Variants in TYW3 observed in about 807,000 individuals in gnomAD.
The protein encoded by TYW3 is tRNA wybutosine-synthesizing protein 3 homolog.
A neutral mutation model predicts 23.1 loss-of-function variants in TYW3; 26 were observed. The observed-to-expected ratio is 1.13, with a 90% CI of 0.83 to 1.56. The LOEUF is 1.56. Among genes scored for constraint, TYW3 ranks in the 40% most tolerant of loss-of-function variants. The pLI is 0.00. For missense variants in TYW3, 316 were observed against 311.9 expected (o/e 1.01, Z -0.10); for synonymous variants, 102 against 105.7 (o/e 0.97, Z 0.21).
chr1:74,754,331 G>A (rs567322301), intron 5 of TYW3, among the ~76,000 whole-genome samples: 24 of 152,246 alleles, frequency 1.6e-4, no homozygotes, highest in Admixed American at 3.3e-4. Flanking sequence ...AGATTATAAT[G>A]TGCATGCTGC....
intron 4 of TYW3, among the ~76,000 whole-genome samples, chr1:74,749,938 C>G (rs1300017227): frequency 6.6e-6 from 1 of 152,116 alleles, no homozygotes; most frequent in Non-Finnish European, 1.5e-5. Context: ...CTGGACAGAG[C>G]AAGACTCTGT....
At chr1:74,740,269 G>A (rs1291329598) in intron 3 of TYW3, among the ~76,000 whole-genome samples, 1 of 151,692 alleles carries the variant, frequency 6.6e-6, no homozygotes, top group Non-Finnish European at 1.5e-5. Flanking sequence ...AAGGTGGCAT[G>A]TCCAGAGTTG....
At chr1:74,733,439 T>C (rs1391293711) in intron 1 of TYW3, 21 bp downstream of exon 1, 1 of 1,612,884 alleles carries the variant, frequency 6.2e-7, no homozygotes, top group Non-Finnish European at 8.5e-7. Flanking sequence ...TTTGCGCCTG[T>C]CCATCGCCTG....
chr1:74,766,178 T>A lies in TYW3; in HGVS notation c.*2065T>A, dbSNP rs953000354. The A allele has an allele frequency of 1.3e-5, 2 of 152,036 alleles. No individual in the cohort carries two copies. The highest frequency in any genetic ancestry group is 4.8e-5 in the African/African-American group (2 of 41,448). The allele number at this position is 152,036 out of a possible 1,614,324, so 9.4% of individuals were successfully genotyped here. On this transcript the variant is annotated 3_prime_UTR_variant, in exon 6 of 6. Coordinates refer to ENST00000370867, the MANE Select transcript of TYW3 (RefSeq NM_138467.3). ...TAAAAGTATGGTACATATAATTATG[T>A]ACAGTGCATACATAATACTTGATAA...
intron 4 of TYW3, among the ~76,000 whole-genome samples, chr1:74,749,391 A>C (rs1648698330): frequency 6.6e-6 from 1 of 152,158 alleles, no homozygotes; most frequent in Admixed American, 6.5e-5. Flanking sequence ...AATGTTTACT[A>C]TCTATCCTTT....
chr1:74,747,913 G>A (rs912486018), intron 3 of TYW3, among the ~76,000 whole-genome samples: 7 of 151,232 alleles, frequency 4.6e-5, no homozygotes, highest in African/African-American at 1.7e-4. Flanking sequence ...ATATACACAC[G>A]TATATACATA....
At position 74,759,379 on chromosome 1, in the gene TYW3, T is replaced by C. The variant is rs185345192; in HGVS notation, c.561-4515T>C. Among the ~76,000 whole-genome samples, 52 of 151,282 alleles carry C rather than the reference T, an allele frequency of 3.4e-4. No individual in the cohort carries two copies. The East Asian group carries it at 8.9e-3, about 26-fold the overall frequency. ...TTCTTTCTTTCTTTTCTTTTCTTTTTTTTTTTTTTTGGTAGAGATGAGGTC... is the reference window on the plus strand; with the variant it reads ...TTCTTTCTTTCTTTTCTTTTCTTTTCTTTTTTTTTTGGTAGAGATGAGGTC... On this transcript the variant is annotated intron_variant, in intron 5 of 5. Coordinates refer to ENST00000370867, the MANE Select transcript of TYW3 (RefSeq NM_138467.3).
chr1:74,747,933 ATG>A (rs2100765771), intron 3 of TYW3, among the ~76,000 whole-genome samples: 1 of 152,212 alleles, frequency 6.6e-6, no homozygotes, highest in East Asian at 1.9e-4. Context: ...ATATACATAT[ATG>A]TGTGTATATA....
intron 4 of TYW3, chr1:74,750,011 C>G (rs1290167662): frequency 6.6e-6 from 1 of 152,216 alleles, no homozygotes; most frequent in Non-Finnish European, 1.5e-5. Context: ...CCATCTCACT[C>G]TTTACTCCAT....
intron 3 of TYW3, among the ~76,000 whole-genome samples, 168 bp downstream of exon 3, chr1:74,738,956 G>T (rs1031389124): frequency 6.6e-6 from 1 of 152,114 alleles, no homozygotes; most frequent in Admixed American, 6.5e-5. Flanking sequence ...TAGAAAAAAA[G>T]AGTAGCTAAT....
intron 5 of TYW3, among the ~76,000 whole-genome samples, chr1:74,754,848 AT>A (rs1364061133): frequency 6.6e-6 from 1 of 152,080 alleles, no homozygotes; most frequent in Non-Finnish European, 1.5e-5. Flanking sequence ...TAAACAGCTA[AT>A]TTGGAGACTG....
At chr1:74,741,209 G>T (rs1383689676) in intron 3 of TYW3, among the ~76,000 whole-genome samples, 1 of 152,194 alleles carries the variant, frequency 6.6e-6, no homozygotes, top group Admixed American at 6.5e-5. Flanking sequence ...GGGGTAAAGA[G>T]AGGTGTTAAA....
At chr1:74,744,381 T>G (rs1271528816) in intron 3 of TYW3, among the ~76,000 whole-genome samples, 1 of 151,478 alleles carries the variant, frequency 6.6e-6, no homozygotes, top group Admixed American at 6.6e-5. Context: ...CAAGCTGTGA[T>G]GCAGAAAAAA....
At chr1:74,742,836 A>T (rs1648411488) in intron 3 of TYW3, among the ~76,000 whole-genome samples, 1 of 152,222 alleles carries the variant, frequency 6.6e-6, no homozygotes, top group African/African-American at 2.4e-5. Flanking sequence ...GGTAGGAGAA[A>T]TACCTGGTTA....
At position 74,764,825 on chromosome 1, in the gene TYW3, G is replaced by T. The variant is rs1327812863; in HGVS notation, c.*712G>T. ...GATGGGAAAAATCAGAAAACCTCTC[G>T]CAGACAAAGGGTATATAATGGATAT... On this transcript the variant is annotated 3_prime_UTR_variant, in exon 6 of 6. Coordinates refer to ENST00000370867, the MANE Select transcript of TYW3 (RefSeq NM_138467.3). 6.6e-6 allele frequency: 1 copy of T among 152,138 alleles called. No individual in the cohort carries two copies. The highest frequency in any genetic ancestry group is 1.5e-5 in the Non-Finnish European group (1 of 68,042). The allele number at this position is 152,138 out of a possible 1,614,324, so 9.4% of individuals were successfully genotyped here. A position where few individuals can be genotyped will look rare whatever the true frequency, so the allele number is the denominator to read the frequency against.
rs181907813 is a variant in TYW3 at position 74,735,130 on chromosome 1, A to G, written c.175-1412A>G. 9.7e-4 allele frequency among the ~76,000 whole-genome samples: 148 copies of G among 152,288 alleles called. 2 individuals carry two copies. Among genetic ancestry groups the G allele is most frequent in the Non-Finnish European group, 3.1e-4 (21 of 68,024 alleles). On this transcript the variant is annotated intron_variant, in intron 1 of 5. Transcript: ENST00000370867. ...CCACTTAACTATTCTTCTCCAAACC[A>G]TGTTTGACAAATTGCAACTCTGCTT...
chr1:74,759,351 T>A (rs1012726063), intron 5 of TYW3, among the ~76,000 whole-genome samples: 3 of 151,788 alleles, frequency 2.0e-5, no homozygotes, highest in African/African-American at 7.2e-5. Context: ...GTCTTTATCA[T>A]TTTTCTTTCT....
rs1649266253 is a variant in TYW3 at position 74,765,296 on chromosome 1, C to T, written c.*1183C>T. 1 of 152,112 alleles carries T rather than the reference C, an allele frequency of 6.6e-6. No homozygotes were observed. The highest frequency in any genetic ancestry group is 2.4e-5 in the African/African-American group (1 of 41,414). The allele number at this position is 152,112 out of a possible 1,614,324, so 9.4% of individuals were successfully genotyped here. ...CTGTGCCAGGGATTTCATGTGTACA[C>T]TTTATAGGAGAATAAGCAAGAGCTT... On this transcript the variant is annotated 3_prime_UTR_variant, in exon 6 of 6. Transcript: ENST00000370867.
intron 3 of TYW3, among the ~76,000 whole-genome samples, chr1:74,742,183 C>G (rs929575145): frequency 1.3e-5 from 2 of 152,124 alleles, no homozygotes; most frequent in African/African-American, 4.8e-5. Flanking sequence ...GGATAGTGAC[C>G]TACTCTTTGT....
Sources: allele counts gnomAD v4.1 joint callset (sites outside exome capture counted in the v4.1 genomes callset), GRCh38; gene constraint gnomAD v4.1.1; transcripts MANE v1.5; gene names NCBI Gene and HGNC (gene_info 2026-07-23, HGNC 2026-07-21).